Variants in DLG2 observed in about 807,000 individuals in gnomAD.
The protein encoded by DLG2 is discs large MAGUK scaffold protein 2, also known as disks large homolog 2.
DLG2 carries 45 observed loss-of-function variants against 132.5 expected under a neutral mutation model. The observed-to-expected ratio is 0.34, with a 90% CI of 0.27 to 0.44. The LOEUF (loss-of-function observed/expected upper bound fraction) is 0.44, where lower values mean the gene tolerates loss of function less well. Ranked by LOEUF, DLG2 falls within the 20% of genes least tolerant of loss-of-function variation. The pLI, the probability that DLG2 is intolerant of heterozygous loss-of-function variation, is 1.00. For synonymous variants in DLG2, 424 were observed against 419.6 expected (o/e 1.01, Z -0.13); for missense variants, 1,045 against 1,196.9 (o/e 0.87, Z 1.87).
chr11:84,772,215 G>C (rs894494295), intron 6 of DLG2, among the ~76,000 whole-genome samples: 2 of 151,350 alleles, frequency 1.3e-5, no homozygotes, highest in African/African-American at 4.9e-5. Context: ...AATTCAACCA[G>C]AAGACTTAAC....
chr11:84,778,528 A>G (rs911439885), intron 6 of DLG2, among the ~76,000 whole-genome samples: 11 of 152,254 alleles, frequency 7.2e-5, no homozygotes, highest in South Asian at 2.1e-4. Context: ...GAATCTGTAG[A>G]TTGCTTTGAG....
intron 3 of DLG2, among the ~76,000 whole-genome samples, chr11:85,447,040 G>T (rs1221406324): frequency 6.6e-6 from 1 of 151,992 alleles, no homozygotes; most frequent in African/African-American, 2.4e-5. Context: ...ATATTCCATT[G>T]TAAAGTCAAA....
In DLG2 at chr11:84,420,650, CTTTTTTTTTTTTTTTTTTT is replaced by C. The variant is rs768420271; in HGVS notation, c.519+113901_519+113919del. On this transcript the variant is annotated intron_variant, in intron 7 of 27. Transcript: ENST00000376104. ...CAGCACAGTGACCAATGCTTGTTTT[CTTTTTTTTTTTTTTTTTTT>C]TTTTTTTTTTTTTTTTTGAGACGGA... Among the ~76,000 whole-genome samples the C allele has an allele frequency of 2.8e-3, 120 of 42,242 alleles. 1 individual carries two copies. The highest frequency in any genetic ancestry group is 4.8e-3 in the Non-Finnish European group (101 of 21,024). 27.7% of individuals were successfully genotyped at this position (42,242 alleles called of 152,430 possible). A position where few individuals can be genotyped will look rare whatever the true frequency, so the allele number is the denominator to read the frequency against.
intron 21 of DLG2, among the ~76,000 whole-genome samples, chr11:83,515,146 C>T (rs1305429595): frequency 6.6e-6 from 1 of 152,152 alleles, no homozygotes; most frequent in Admixed American, 6.5e-5. Flanking sequence ...GGCTGTGAAT[C>T]CATCTGGTCC....
At chr11:84,931,330 T>C (rs768086261) in intron 6 of DLG2, among the ~76,000 whole-genome samples, 4 of 152,106 alleles carry the variant, frequency 2.6e-5, no homozygotes, top group Admixed American at 6.6e-5. Context: ...TTCTGATATA[T>C]GAAATTGAAT....
chr11:84,502,401 T>G (rs1028318021), intron 7 of DLG2, among the ~76,000 whole-genome samples: 1 of 107,690 alleles, frequency 9.3e-6, no homozygotes, highest in Non-Finnish European at 1.9e-5. Context: ...TTTCTTTCTT[T>G]CTTTCTTTCT....
intron 6 of DLG2, among the ~76,000 whole-genome samples, chr11:84,694,593 C>A (rs2058417654): frequency 6.6e-6 from 1 of 151,508 alleles, no homozygotes; most frequent in African/African-American, 2.4e-5. Context: ...GACATGAATC[C>A]TACAAACTTT....
intron 2 of DLG2, among the ~76,000 whole-genome samples, chr11:85,613,774 G>A (rs553627417): frequency 6.6e-5 from 10 of 152,320 alleles, no homozygotes; most frequent in East Asian, 3.9e-4. Flanking sequence ...GCAGCAACCC[G>A]CTTGGGTCCC....
chr11:84,599,176 C>A (rs2099570234), intron 6 of DLG2, among the ~76,000 whole-genome samples: 1 of 151,984 alleles, frequency 6.6e-6, no homozygotes, highest in African/African-American at 2.4e-5. Context: ...GCCCGGGAGG[C>A]AGAGGTTGCA....
At chr11:84,801,140 ATTTG>A (rs2075318749) in intron 6 of DLG2, among the ~76,000 whole-genome samples, 1 of 152,208 alleles carries the variant, frequency 6.6e-6, no homozygotes, top group South Asian at 2.1e-4. Context: ...TGTGATATTA[ATTTG>A]TTTAAATTGT....
intron 11 of DLG2, among the ~76,000 whole-genome samples, chr11:84,005,762 C>T (rs998831694): frequency 1.3e-5 from 2 of 151,644 alleles, no homozygotes; most frequent in African/African-American, 4.8e-5. Context: ...AATCAAAAAC[C>T]ACAATGAGAT....
At chr11:84,001,323 T>TA (rs34868321) in intron 11 of DLG2, among the ~76,000 whole-genome samples, 10,749 of 138,816 alleles carry the variant, frequency 0.077, 573 homozygotes, top group South Asian at 0.17. Flanking sequence ...AGACTTCAAG[T>TA]AAAAAAAAAA....
Position 83,739,142 on chromosome 11 carries a change from T to A in DLG2, c.1825+47548A>T, listed in dbSNP as rs554681622. On this transcript the variant is annotated intron_variant, in intron 18 of 27. Transcript: ENST00000376104. ...GGGCTTCACTGTGCCCCCATTTGAA[T>A]TCTATGATTCAAATTATCTTAACTG... Among the ~76,000 whole-genome samples the A allele has an allele frequency of 1.4e-3, 218 of 152,300 alleles. 1 individual carries two copies. The highest frequency in any genetic ancestry group is 5.1e-3 in the African/African-American group (210 of 41,578).
At chr11:83,867,629 T>C (rs2062646618) in intron 16 of DLG2, among the ~76,000 whole-genome samples, 2 of 152,198 alleles carry the variant, frequency 1.3e-5, no homozygotes, top group Admixed American at 1.3e-4. Context: ...TTTTGCTATT[T>C]TGTTAGTCCT....
At chr11:84,728,344 T>C (rs1414442536) in intron 6 of DLG2, among the ~76,000 whole-genome samples, 1 of 152,218 alleles carries the variant, frequency 6.6e-6, no homozygotes, top group Admixed American at 6.5e-5. Flanking sequence ...TCTATTGAGA[T>C]AATCATGTGG....
chr11:85,154,530 A>G (rs1240887063), intron 5 of DLG2, 26 bp downstream of exon 5: 1 of 1,146,632 alleles, frequency 8.7e-7, no homozygotes, highest in Admixed American at 2.2e-5. Flanking sequence ...AAGCCTAGTA[A>G]GAAAAGAAAA....
intron 21 of DLG2, among the ~76,000 whole-genome samples, chr11:83,517,572 G>A (rs968886566): frequency 5.3e-5 from 8 of 152,204 alleles, no homozygotes; most frequent in African/African-American, 1.4e-4. Context: ...GAGGAGCTGC[G>A]TTCCTTTGGA....
At chr11:84,365,475 T>A (rs563041821) in intron 7 of DLG2, among the ~76,000 whole-genome samples, 1 of 152,250 alleles carries the variant, frequency 6.6e-6, no homozygotes, top group African/African-American at 2.4e-5. Context: ...CCTGGATTCA[T>A]TAATTTTTTG....
intron 3 of DLG2, among the ~76,000 whole-genome samples, chr11:85,401,337 C>T (rs1405627057): frequency 1.3e-5 from 2 of 152,048 alleles, no homozygotes; most frequent in Non-Finnish European, 2.9e-5. Context: ...TGGAACGTAT[C>T]TCAAAATAAT....
Sources: gnomAD v4.1 joint callset for allele counts (sites outside exome capture counted in the v4.1 genomes callset) on GRCh38, gnomAD v4.1.1 for gene constraint, MANE v1.5 for transcripts, NCBI Gene and HGNC (gene_info 2026-07-23, HGNC 2026-07-21) for gene names.